The following KAT2B variants were observed in gnomAD, a reference collection of about 807,000 sequenced individuals.
The protein encoded by KAT2B is histone acetyltransferase KAT2B.
Under a neutral mutation model 105.9 loss-of-function variants are expected in KAT2B, and 36 were observed. That is an observed-to-expected ratio of 0.34 (90% CI 0.26 to 0.45). The LOEUF (loss-of-function observed/expected upper bound fraction) is 0.45, where lower values mean the gene tolerates loss of function less well. KAT2B is among the 20% of genes least tolerant of loss of function. KAT2B has a pLI of 1.00. For synonymous variants in KAT2B, 397 were observed against 377.9 expected (o/e 1.05, Z -0.59); for missense variants, 820 against 1,021.6 (o/e 0.80, Z 2.69).
At chr3:20,134,258 T>C (rs975232950) in intron 11 of KAT2B, among the ~76,000 whole-genome samples, 1 of 152,256 alleles carries the variant, frequency 6.6e-6, no homozygotes, top group Non-Finnish European at 1.5e-5. Flanking sequence ...TACATTTAGA[T>C]TTCTAATCCA....
intron 3 of KAT2B, among the ~76,000 whole-genome samples, chr3:20,096,854 G>A (rs1698819944): frequency 1.3e-5 from 2 of 151,608 alleles, no homozygotes; most frequent in African/African-American, 2.4e-5. Context: ...GGTTTTTTTG[G>A]GTGGTTAGGA....
intron 11 of KAT2B, among the ~76,000 whole-genome samples, chr3:20,131,107 C>T (rs1002898318): frequency 6.8e-6 from 1 of 147,938 alleles, no homozygotes; most frequent in Non-Finnish European, 1.5e-5. Context: ...ACTCCGCCTC[C>T]TGGGTTCTGG....
chr3:20,073,701 A>C (rs756239469), intron 2 of KAT2B, among the ~76,000 whole-genome samples: 7 of 148,856 alleles, frequency 4.7e-5, no homozygotes, highest in Non-Finnish European at 1.0e-4. Flanking sequence ...CCTTGATTAT[A>C]ATTTACCTTT....
chr3:20,113,460 G>A, intron 6 of KAT2B, among the ~76,000 whole-genome samples: 1 of 152,136 alleles, frequency 6.6e-6, no homozygotes, highest in Non-Finnish European at 1.5e-5. Flanking sequence ...GCTAATTATA[G>A]TGTGTTTTGT....
chr3:20,044,958 G>A (rs1030091902), intron 1 of KAT2B, among the ~76,000 whole-genome samples: 24 of 152,184 alleles, frequency 1.6e-4, no homozygotes, highest in African/African-American at 4.8e-4. Flanking sequence ...ACTAAGTAGA[G>A]ATTTGTCATA....
rs536317862 is a variant in KAT2B, at chr3:20,084,572, TAATA to T, written c.431-10677_431-10674del. Among the ~76,000 whole-genome samples the T allele has an allele frequency of 2.1e-4, 32 of 152,190 alleles. 1 individual carries two copies. In the South Asian group the frequency reaches 3.7e-3, roughly 18 times the overall value. On this transcript the variant is annotated intron_variant, in intron 2 of 17. Coordinates refer to ENST00000263754, the MANE Select transcript of KAT2B (RefSeq NM_003884.5). Reference sequence around the variant, plus strand: ...GGAGAGATCACATATTGCATTATGGTAATAAATAAATAAATAATTAATAAATGCA... The same window carrying T: ...GGAGAGATCACATATTGCATTATGGTAATAAATAAATAATTAATAAATGCA...
In KAT2B at chr3:20,137,114, C is replaced by G; in HGVS notation, c.1860+62C>G. 4.8e-6 allele frequency: 4 copies of G among 836,366 alleles called. No individual in the cohort carries two copies. The South Asian group carries it at 5.8e-5, about 12-fold the overall frequency. The allele number at this position is 836,366 out of a possible 1,614,324, so 51.8% of individuals were successfully genotyped here. A position where few individuals can be genotyped will look rare whatever the true frequency, so the allele number is the denominator to read the frequency against. On this transcript the variant is annotated intron_variant, in intron 12 of 17. Transcript: ENST00000263754. ...CTTTTCTTAATATGTTCTCAGGTAG[C>G]GTTCTTCCAAATAAGTTTCTCCCCC...
intron 2 of KAT2B, among the ~76,000 whole-genome samples, chr3:20,083,958 T>C (rs539011477): frequency 6.6e-6 from 1 of 152,170 alleles, no homozygotes; most frequent in Non-Finnish European, 1.5e-5. Flanking sequence ...TCGGGGAAGA[T>C]TGGAGCTGGA....
chr3:20,096,185 A>T (rs776564290), intron 3 of KAT2B, among the ~76,000 whole-genome samples: 27 of 152,160 alleles, frequency 1.8e-4, no homozygotes, highest in Admixed American at 3.3e-4. Flanking sequence ...AGAAATCAAC[A>T]TATTCCAAAT....
intron 5 of KAT2B, among the ~76,000 whole-genome samples, chr3:20,102,275 A>C (rs569607716): frequency 2.6e-5 from 4 of 151,986 alleles, no homozygotes; most frequent in Non-Finnish European, 5.9e-5. Flanking sequence ...GAGATCGTGC[A>C]CTCTGGGCAA....
At chr3:20,149,488 C>T (rs953622207) in intron 17 of KAT2B, among the ~76,000 whole-genome samples, 9 of 51,052 alleles carry the variant, frequency 1.8e-4, no homozygotes, top group East Asian at 0.01. Context: ...GGAGGGAGAC[C>T]GTATCTCAAA....
intron 2 of KAT2B, among the ~76,000 whole-genome samples, chr3:20,073,073 T>G (rs1227175929): frequency 1.3e-5 from 2 of 152,196 alleles, no homozygotes; most frequent in African/African-American, 4.8e-5. Flanking sequence ...AGGCCTGTGC[T>G]AGTATGTTGT....
chr3:20,087,204 C>T (rs930656837), intron 2 of KAT2B, among the ~76,000 whole-genome samples: 1 of 152,066 alleles, frequency 6.6e-6, no homozygotes, highest in African/African-American at 2.4e-5. Flanking sequence ...TGGATGATAC[C>T]GAGTGTTTCC....
intron 3 of KAT2B, among the ~76,000 whole-genome samples, chr3:20,095,838 G>A (rs1698799005): frequency 6.6e-6 from 1 of 152,190 alleles, no homozygotes; most frequent in African/African-American, 2.4e-5. Flanking sequence ...GTTGGCCGAA[G>A]AGAAACAAAG....
At chr3:20,098,135 C>A (rs1269264621) in intron 3 of KAT2B, among the ~76,000 whole-genome samples, 2 of 151,524 alleles carry the variant, frequency 1.3e-5, no homozygotes, top group Non-Finnish European at 2.9e-5. Flanking sequence ...GAGGCTGAGG[C>A]AGGAGAATTG....
chr3:20,082,294 C>A (rs1226411559), intron 2 of KAT2B, among the ~76,000 whole-genome samples: 2 of 152,196 alleles, frequency 1.3e-5, no homozygotes, highest in Admixed American at 6.5e-5. Flanking sequence ...CTCAGCCTCC[C>A]AGAGTGTTGG....
intron 1 of KAT2B, among the ~76,000 whole-genome samples, chr3:20,070,155 T>G (rs913600074): frequency 6.6e-6 from 1 of 152,140 alleles, no homozygotes; most frequent in Non-Finnish European, 1.5e-5. Flanking sequence ...CCCTGCCTTC[T>G]CCATCCTCAT....
chr3:20,124,315 T>C (rs1472529189), intron 9 of KAT2B, among the ~76,000 whole-genome samples: 2 of 152,178 alleles, frequency 1.3e-5, no homozygotes, highest in African/African-American at 2.4e-5. Flanking sequence ...CCACAGACTG[T>C]ACAAGAATGG....
At chr3:20,057,417 A>G (rs1030957413) in intron 1 of KAT2B, among the ~76,000 whole-genome samples, 1 of 152,148 alleles carries the variant, frequency 6.6e-6, no homozygotes, top group Non-Finnish European at 1.5e-5. Context: ...CAAGGAAACA[A>G]CGTATAAGGC....
Sources: gnomAD v4.1 joint callset for allele counts (sites outside exome capture counted in the v4.1 genomes callset) on GRCh38, gnomAD v4.1.1 for gene constraint, MANE v1.5 for transcripts, NCBI Gene and HGNC (gene_info 2026-07-23, HGNC 2026-07-21) for gene names.